The following RPL18 variants were observed in gnomAD, a reference collection of about 807,000 sequenced individuals.
RPL18 encodes the protein large ribosomal subunit protein eL18.
A neutral mutation model predicts 25.0 loss-of-function variants in RPL18; 4 were observed. That is an observed-to-expected ratio of 0.16 (90% CI 0.08 to 0.37). The LOEUF is 0.37. Ranked by LOEUF, RPL18 falls within the 10% of genes least tolerant of loss-of-function variation. The pLI is 1.00. For missense variants in RPL18, 179 were observed against 267.9 expected, an observed-to-expected ratio of 0.67 and a Z score of 2.32; for synonymous variants, 129 against 101.6, an observed-to-expected ratio of 1.27 and a Z score of -1.62.
chr19:48,616,659 C>A (rs1485692676), intron 4 of RPL18, 67 bp downstream of exon 4: 1 of 1,099,390 alleles, frequency 9.1e-7, no homozygotes, highest in Admixed American at 1.7e-5. Context: ...CAGCACAGCA[C>A]AGCACAGCAC....
At chr19:48,617,468 C>T (rs551304373) in intron 2 of RPL18, 45 bp from the exon 3 acceptor site, 1 of 1,420,294 alleles carries the variant, frequency 7.0e-7, no homozygotes, top group South Asian at 1.2e-5. Flanking sequence ...AGCCTGCTCC[C>T]CCGCAGCCTT....
chr19:48,617,460 C>A (rs1467107548), intron 2 of RPL18, 37 bp from the exon 3 acceptor site: 1 of 1,471,490 alleles, frequency 6.8e-7, no homozygotes, highest in Non-Finnish European at 9.5e-7. Flanking sequence ...GCTGGGACAG[C>A]CTGCTCCCCC....
At chr19:48,617,121 A>G (rs763200261) in intron 3 of RPL18, 195 bp downstream of exon 3, 1 of 714,486 alleles carries the variant, frequency 1.4e-6, no homozygotes, top group South Asian at 1.4e-5. Context: ...AGAGAAGGAG[A>G]GGAGGACCAG....
At chr19:48,616,559 C>T (rs1384757961) in intron 4 of RPL18, 167 bp downstream of exon 4, 2 of 718,888 alleles carry the variant, frequency 2.8e-6, no homozygotes, top group African/African-American at 1.7e-5. Context: ...ATCAACCATG[C>T]CAGAGACGAC....
chr19:48,617,586 AGG>A, intron 2 of RPL18, 163 bp from the exon 3 acceptor site: 1 of 695,372 alleles, frequency 1.4e-6, no homozygotes, highest in Non-Finnish European at 2.5e-6. Context: ...TTCCTGGCCA[AGG>A]ACCTAGAAAA....
intron 5 of RPL18, 23 bp from the exon 6 acceptor site, chr19:48,615,969 G>A (rs776139313): frequency 2.9e-5 from 47 of 1,613,768 alleles, no homozygotes; most frequent in African/African-American, 4.0e-5. Flanking sequence ...AAGGAGAACC[G>A]GGTGAGACAG....
intron 3 of RPL18, 48 bp from the exon 4 acceptor site, chr19:48,616,872 T>A: frequency 6.9e-7 from 1 of 1,443,076 alleles, no homozygotes; most frequent in Non-Finnish European, 9.8e-7. Flanking sequence ...GTGTTTACAT[T>A]CAGCCCCGCT....
chr19:48,618,823 G>C (rs1459017645), intron 1 of RPL18: 1 of 455,196 alleles, frequency 2.2e-6, no homozygotes, highest in African/African-American at 2.0e-5. Context: ...TCCAGATAAA[G>C]GCAGCAAAGC....
intron 2 of RPL18, 81 bp downstream of exon 2, chr19:48,617,710 C>A: frequency 9.0e-7 from 1 of 1,110,582 alleles, no homozygotes; most frequent in South Asian, 1.3e-5. Context: ...CTGGGAGGAG[C>A]TTGGTGCCAG....
chr19:48,619,021 C>G (rs1405796910), intron 1 of RPL18, 120 bp downstream of exon 1: 3 of 1,059,042 alleles, frequency 2.8e-6, no homozygotes, highest in Non-Finnish European at 4.3e-6. Context: ...TCCCCAGTAT[C>G]GGGAATTGCT....
intron 1 of RPL18, chr19:48,618,883 G>A: frequency 1.8e-6 from 1 of 545,308 alleles, no homozygotes; most frequent in Non-Finnish European, 3.2e-6. Flanking sequence ...CGGAATCCTG[G>A]CTCTGCCACT....
chr19:48,616,710 G>A lies in RPL18; in HGVS notation c.297+16C>T. ...AGCAAGGGTCTGATGGGTCTGCCCA[G>A]CCCCCGCCAGCTCACCTTCAGTTTG... On this transcript the variant is annotated intron_variant, in intron 4 of 6. Coordinates refer to ENST00000549920, the MANE Select transcript of RPL18 (RefSeq NM_000979.4). The A allele has an allele frequency of 1.3e-6, 2 of 1,563,918 alleles. No homozygotes were observed. The highest frequency in any genetic ancestry group is 1.8e-6 in the Non-Finnish European group (2 of 1,136,612).
At chr19:48,616,234 C>T in intron 4 of RPL18, 32 bp from the exon 5 acceptor site, 2 of 1,610,294 alleles carry the variant, frequency 1.2e-6, no homozygotes, top group Non-Finnish European at 1.7e-6. Context: ...GCGGGTCAGA[C>T]CCCTGCGTGG....
intron 6 of RPL18, 75 bp downstream of exon 6, chr19:48,615,802 C>T (rs889298271): frequency 7.5e-7 from 1 of 1,335,888 alleles, no homozygotes. Flanking sequence ...ATAGGAGAAG[C>T]AGCCCAAGTG....
chr19:48,617,526 T>TA (rs1486920904), intron 2 of RPL18, 103 bp from the exon 3 acceptor site: 18 of 926,092 alleles, frequency 1.9e-5, no homozygotes, highest in Non-Finnish European at 2.7e-5. Context: ...ATAATCTTTA[T>TA]CCCTTTCCCC....
chr19:48,616,676 G>A (rs1198716071), intron 4 of RPL18, 50 bp downstream of exon 4: 1 of 1,251,646 alleles, frequency 8.0e-7, no homozygotes, highest in Admixed American at 1.7e-5. Context: ...GCACAGCACA[G>A]CACAGTACAG....
In RPL18 at chr19:48,616,152, T is replaced by A; in HGVS notation, c.348A>T (p.Ala116=). The part of the protein sequence containing the change: ...TSRARSRILR[A]GGKILTFDQL... ...GGTCGAAAGTGAGGATCTTGCCCCC[T>A]GCCCTGAGGATGCGGCTGCGGGCCC... The change falls in exon 5 of 7, where the codon GCA becomes GCT. Residue 116 remains alanine (A), a synonymous_variant. Transcript: ENST00000549920. 2 of 1,614,084 alleles carry A rather than the reference T, an allele frequency of 1.2e-6. No homozygotes were observed. The highest frequency in any genetic ancestry group is 1.7e-6 in the Non-Finnish European group (2 of 1,180,006).
chr19:48,616,205 G>A lies in RPL18; in HGVS notation c.298-3C>T, dbSNP rs1446233704. 1 of 1,613,530 alleles carries A rather than the reference G, an allele frequency of 6.2e-7. No homozygotes were observed. Among genetic ancestry groups the A allele is most frequent in the East Asian group, 2.2e-5 (1 of 44,882 alleles). ...CTGGTCACGCGCAGTGCACATACCT[G>A]GTGGAGAGGACAAGGCTGGCGGGTC... is the stretch of plus-strand genomic sequence containing the variant. On this transcript the variant is annotated splice_region_variant and splice_polypyrimidine_tract_variant and intron_variant, in intron 4 of 6. Transcript: ENST00000549920.
At chr19:48,617,935 AC>A (rs1256065021) in intron 1 of RPL18, 58 bp from the exon 2 acceptor site, 1 of 1,318,290 alleles carries the variant, frequency 7.6e-7, no homozygotes, top group Non-Finnish European at 1.1e-6. Context: ...GCCAATTATT[AC>A]TTATTTCTGA....
Sources: allele counts gnomAD v4.1 joint callset, GRCh38; gene constraint gnomAD v4.1.1; transcripts MANE v1.5; gene names NCBI Gene and HGNC (gene_info 2026-07-23, HGNC 2026-07-21).